The following VWC2L variants were observed in gnomAD, a reference collection of about 807,000 sequenced individuals.
VWC2L encodes the protein von Willebrand factor C domain-containing protein 2-like.
In VWC2L, 10 loss-of-function variants were observed where a neutral mutation model predicts 21.6. The ratio of observed to expected loss-of-function variants is 0.46; its 90% CI spans 0.29 to 0.78. The LOEUF (loss-of-function observed/expected upper bound fraction) is 0.78. VWC2L is among the 30% of genes least tolerant of loss of function. The pLI, the probability that VWC2L is intolerant of heterozygous loss-of-function variation, is 0.10. For synonymous variants in VWC2L, 96 were observed against 94.3 expected, an observed-to-expected ratio of 1.02 and a Z score of -0.10; for missense variants, 209 against 277.1, an observed-to-expected ratio of 0.75 and a Z score of 1.74.
At chr2:214,416,435 T>C (rs1702356373) in intron 2 of VWC2L, among the ~76,000 whole-genome samples, 1 of 152,110 alleles carries the variant, frequency 6.6e-6, no homozygotes, top group Admixed American at 6.6e-5. Flanking sequence ...ACCTGGCTTT[T>C]TGTGTCATAA....
chr2:214,465,057 C>T (rs141443655), intron 3 of VWC2L, among the ~76,000 whole-genome samples: 6 of 152,108 alleles, frequency 3.9e-5, no homozygotes, highest in East Asian at 3.9e-4. Context: ...TGTCCCAGGA[C>T]GAATACCAAA....
At chr2:214,558,366 A>T (rs907929390) in intron 3 of VWC2L, among the ~76,000 whole-genome samples, 1 of 152,134 alleles carries the variant, frequency 6.6e-6, no homozygotes, top group Non-Finnish European at 1.5e-5. Context: ...CAACTCAGTC[A>T]ATTCTATTCC....
At chr2:214,457,800 T>C (rs1703079050) in intron 3 of VWC2L, among the ~76,000 whole-genome samples, 1 of 152,108 alleles carries the variant, frequency 6.6e-6, no homozygotes, top group Admixed American at 6.5e-5. Flanking sequence ...CATCCCTATA[T>C]CTCTGGAAGA....
intron 3 of VWC2L, among the ~76,000 whole-genome samples, chr2:214,517,718 A>G (rs1011410187): frequency 1.1e-4 from 16 of 152,250 alleles, no homozygotes; most frequent in African/African-American, 3.6e-4. Flanking sequence ...TAAGAAATAT[A>G]GAACACTTGT....
At chr2:214,463,044 T>C (rs6720915) in intron 3 of VWC2L, among the ~76,000 whole-genome samples, 24,019 of 152,084 alleles carry the variant, frequency 0.16, 1,979 homozygotes, top group East Asian at 0.26. Flanking sequence ...CAAGAACATA[T>C]CTTATCTTGG....
chr2:214,419,767 G>A (rs1322981149), intron 2 of VWC2L, among the ~76,000 whole-genome samples: 3 of 152,128 alleles, frequency 2.0e-5, no homozygotes, highest in Admixed American at 1.3e-4. Context: ...TGGGTTTGTT[G>A]TTGCTTTTAT....
chr2:214,431,820 T>G (rs962011643), intron 2 of VWC2L, among the ~76,000 whole-genome samples: 6 of 152,228 alleles, frequency 3.9e-5, no homozygotes, highest in Non-Finnish European at 8.8e-5. Flanking sequence ...CCTCTGCATG[T>G]ACTCTTGTCC....
intron 3 of VWC2L, among the ~76,000 whole-genome samples, chr2:214,566,970 C>G (rs985817770): frequency 2.0e-5 from 3 of 152,184 alleles, no homozygotes; most frequent in African/African-American, 7.2e-5. Context: ...ACCCCACAGA[C>G]TAAGGCCTAC....
intron 3 of VWC2L, among the ~76,000 whole-genome samples, chr2:214,535,577 T>C (rs975745667): frequency 6.6e-6 from 1 of 152,078 alleles, no homozygotes; most frequent in African/African-American, 2.4e-5. Flanking sequence ...CAAGCAGCAC[T>C]GTGCTTATAA....
intron 3 of VWC2L, among the ~76,000 whole-genome samples, chr2:214,527,371 C>A (rs994061222): frequency 1.3e-5 from 2 of 152,034 alleles, no homozygotes; most frequent in African/African-American, 4.8e-5. Context: ...AATAATCCTG[C>A]ACATGTACCC....
At chr2:214,511,058 G>T (rs1015719261) in intron 3 of VWC2L, among the ~76,000 whole-genome samples, 1 of 151,964 alleles carries the variant, frequency 6.6e-6, no homozygotes, top group Non-Finnish European at 1.5e-5. Context: ...AGGCCAAGGC[G>T]GAAGGATCAC....
Position 214,485,999 on chromosome 2 carries a change from T to C in VWC2L, c.520+49241T>C, listed in dbSNP as rs371461116. On this transcript the variant is annotated intron_variant, in intron 3 of 3. Transcript: ENST00000312504. ...CCTAGTGGATAAATTTGTTTTTTGA[T>C]CATTTCATCTAGAATGACATTAAGT... is the stretch of plus-strand genomic sequence containing the variant. Among the ~76,000 whole-genome samples, 35 of 152,344 alleles carry C rather than the reference T, an allele frequency of 2.3e-4. 1 individual carries two copies. The East Asian group carries it at 3.5e-3, about 15-fold the overall frequency.
At chr2:214,547,722 T>G (rs764247106) in intron 3 of VWC2L, among the ~76,000 whole-genome samples, 2 of 152,156 alleles carry the variant, frequency 1.3e-5, no homozygotes, top group Non-Finnish European at 2.9e-5. Flanking sequence ...AATAGACACA[T>G]GAAGTGACAG....
chr2:214,573,272 C>T (rs1190378784), intron 3 of VWC2L, among the ~76,000 whole-genome samples: 4 of 152,070 alleles, frequency 2.6e-5, no homozygotes, highest in East Asian at 1.9e-4. Flanking sequence ...CACATACGCA[C>T]GCTCACACGG....
chr2:214,442,161 C>T (rs1005719760), intron 3 of VWC2L, among the ~76,000 whole-genome samples: 2 of 152,062 alleles, frequency 1.3e-5, no homozygotes, highest in Non-Finnish European at 2.9e-5. Context: ...CCGCCTGCCT[C>T]GGCCTCCCAA....
chr2:214,547,665 T>G (rs181478017), intron 3 of VWC2L, among the ~76,000 whole-genome samples: 1 of 152,308 alleles, frequency 6.6e-6, no homozygotes, highest in African/African-American at 2.4e-5. Context: ...GCTTTCTCCC[T>G]CAGTGACAGG....
intron 2 of VWC2L, among the ~76,000 whole-genome samples, chr2:214,434,121 T>G (rs952989399): frequency 4.6e-5 from 7 of 152,180 alleles, no homozygotes; most frequent in Admixed American, 1.3e-4. Flanking sequence ...GATGTTTTTA[T>G]TTTTCTCATT....
chr2:214,513,926 C>A (rs1689098488), intron 3 of VWC2L, among the ~76,000 whole-genome samples: 1 of 152,078 alleles, frequency 6.6e-6, no homozygotes, highest in Admixed American at 6.5e-5. Context: ...GGCATGGCAT[C>A]CTCAGTTCAG....
intron 3 of VWC2L, among the ~76,000 whole-genome samples, chr2:214,506,099 A>G (rs1463689694): frequency 1.3e-5 from 2 of 152,214 alleles, no homozygotes; most frequent in Non-Finnish European, 2.9e-5. Flanking sequence ...TTTAATAAAG[A>G]ATTTGAAAGA....
Sources: allele counts gnomAD v4.1 joint callset (sites outside exome capture counted in the v4.1 genomes callset), GRCh38; gene constraint gnomAD v4.1.1; transcripts MANE v1.5; gene names NCBI Gene and HGNC (gene_info 2026-07-23, HGNC 2026-07-21).